PAXIP1: variants seen among roughly 807,000 people sequenced by gnomAD.
The protein encoded by PAXIP1 is PAX-interacting protein 1.
PAXIP1 carries 19 observed loss-of-function variants against 140.6 expected under a neutral mutation model. The ratio of observed to expected loss-of-function variants is 0.14; its 90% CI spans 0.09 to 0.20. PAXIP1 has a LOEUF of 0.20. Among genes scored for constraint, PAXIP1 ranks in the 10% least tolerant of loss-of-function variants. The probability of loss-of-function intolerance (pLI) is 1.00; values close to 1 mark genes in which losing one functional copy is unlikely to be tolerated. For missense variants in PAXIP1, 920 were observed against 1,208.6 expected (o/e 0.76, Z 3.54); for synonymous variants, 442 against 444.6 (o/e 0.99, Z 0.07).
chr7:155,003,278 G>A (rs1811025491), upstream of PAXIP1, among the ~76,000 whole-genome samples: 1 of 151,652 alleles, frequency 6.6e-6, no homozygotes, highest in Non-Finnish European at 1.5e-5. Context: ...TCTGGCCCTT[G>A]CGGTTCCGTG....
At position 154,968,959 on chromosome 7, in the gene PAXIP1, G is replaced by C. The variant is rs935384493; in HGVS notation, c.1242C>G (p.His414Gln). 2.0e-6 allele frequency: 3 copies of C among 1,476,874 alleles called. No individual in the cohort carries two copies. The South Asian group carries it at 3.8e-5, about 19-fold the overall frequency. 91.5% of individuals were successfully genotyped at this position (1,476,874 alleles called of 1,614,324 possible). A position where few individuals can be genotyped will look rare whatever the true frequency, so the allele number is the denominator to read the frequency against. Residue 414 changes from histidine (H) to glutamine (Q), a missense_variant, in exon 7 of 21, where the codon CAC (histidine) becomes CAG (glutamine). His to Gln is a conservative substitution (Grantham distance 24). Coordinates refer to ENST00000404141, the MANE Select transcript of PAXIP1 (RefSeq NM_007349.4). ...QQQAQQQQQQ[H>Q]PVLHLQPQQI... ...GCTGGGGCTGAAGGTGTAAAACCGGGTGCTGCTGCTGCTGCTGCTGGGCCT... is the reference window on the plus strand; with the variant it reads ...GCTGGGGCTGAAGGTGTAAAACCGGCTGCTGCTGCTGCTGCTGCTGGGCCT...
intron 4 of PAXIP1, among the ~76,000 whole-genome samples, chr7:154,985,019 G>A (rs1276290129): frequency 6.6e-6 from 1 of 152,144 alleles, no homozygotes; most frequent in East Asian, 1.9e-4. Context: ...ACTCGCTTAT[G>A]TCAACTTGGA....
At chr7:155,002,707 G>A in intron 1 of PAXIP1, 142 bp downstream of exon 1, 1 of 353,972 alleles carries the variant, frequency 2.8e-6, no homozygotes, top group Non-Finnish European at 4.4e-6. Flanking sequence ...CCTGCCCTCA[G>A]CGCAGTCAGG....
chr7:154,949,803 A>T (rs1221088960), intron 16 of PAXIP1: 2 of 152,294 alleles, frequency 1.3e-5, no homozygotes, highest in East Asian at 3.9e-4. Flanking sequence ...GCTACTAGGG[A>T]GGCTGAGGCA....
Position 154,993,746 on chromosome 7 carries a change from A to T in PAXIP1, c.240T>A (p.Val80=), listed in dbSNP as rs374606899. ...GATACGGCAGAAGAGTTCCACACTG[A>T]ACGGACAGAATCACCCAAGAAGGCT... The part of the protein sequence containing the change: ...VVKPSWVILS[V]QCGTLLPVNG... Residue 80 remains valine (V), a synonymous_variant, in exon 3 of 21, where the codon GTT becomes GTA. Transcript: ENST00000404141. 3.6e-5 allele frequency: 57 copies of T among 1,592,718 alleles called. No homozygotes were observed. Among genetic ancestry groups the T allele is most frequent in the Non-Finnish European group, 4.6e-5 (54 of 1,170,026 alleles).
At position 154,969,137 on chromosome 7, in the gene PAXIP1, A is replaced by G; in HGVS notation, c.1075-11T>C. On this transcript the variant is annotated splice_polypyrimidine_tract_variant and intron_variant, in intron 6 of 20. Transcript: ENST00000404141. ...AAGAGTCTGTAAGATCTACAAAACAAAAGTTAGGTGAAACATTATCAACAG... is the reference window on the plus strand; with the variant it reads ...AAGAGTCTGTAAGATCTACAAAACAGAAGTTAGGTGAAACATTATCAACAG... The G allele has an allele frequency of 6.9e-7, 1 of 1,454,286 alleles. No individual in the cohort carries two copies. The highest frequency in any genetic ancestry group is 1.5e-5 in the South Asian group (1 of 68,174). 90.1% of individuals were successfully genotyped at this position (1,454,286 alleles called of 1,614,324 possible). A position where few individuals can be genotyped will look rare whatever the true frequency, so the allele number is the denominator to read the frequency against.
chr7:154,971,290 T>C (rs986538338), intron 6 of PAXIP1, among the ~76,000 whole-genome samples: 7 of 152,070 alleles, frequency 4.6e-5, no homozygotes, highest in Non-Finnish European at 8.8e-5. Context: ...GGAGGCAACT[T>C]AACAGCTGTT....
At chr7:154,992,973 C>T (rs920913951) in intron 3 of PAXIP1, among the ~76,000 whole-genome samples, 2 of 152,210 alleles carry the variant, frequency 1.3e-5, no homozygotes, top group Non-Finnish European at 2.9e-5. Flanking sequence ...GAGCACATGA[C>T]ATAATCTCTT....
intron 6 of PAXIP1, among the ~76,000 whole-genome samples, chr7:154,974,990 C>CA (rs59174178): frequency 0.28 from 34,221 of 122,156 alleles, 4,592 homozygotes; most frequent in Admixed American, 0.36. Flanking sequence ...ACTAAAAATA[C>CA]AAAAAAAAAA....
chr7:154,968,662 CTGCTGCTGCTGGAGCTGG>C lies in PAXIP1; in HGVS notation c.1521_1538del (p.His507_Gln512del). 1.4e-6 allele frequency: 1 copy of C among 709,154 alleles called. No individual in the cohort carries two copies. Among genetic ancestry groups the C allele is most frequent in the Non-Finnish European group, 2.6e-6 (1 of 380,960 alleles). The allele number at this position is 709,154 out of a possible 1,614,324, so 43.9% of individuals were successfully genotyped here. ...TGTGCTGCTGCTGGAGCTGGGCAAG[CTGCTGCTGCTGGAGCTGG>C]TGCTGCTGCAGCTGATGGAACTGCT... On this transcript the variant is annotated inframe_deletion, in exon 7 of 21. Transcript: ENST00000404141.
intron 14 of PAXIP1, among the ~76,000 whole-genome samples, chr7:154,955,848 G>A (rs1292610300): frequency 1.3e-5 from 2 of 152,104 alleles, no homozygotes; most frequent in African/African-American, 4.8e-5. Flanking sequence ...AGCCTCCAAG[G>A]GAGGCATCCA....
intron 3 of PAXIP1, among the ~76,000 whole-genome samples, chr7:154,993,257 C>T (rs928679281): frequency 7.2e-5 from 11 of 152,204 alleles, no homozygotes; most frequent in African/African-American, 2.7e-4. Context: ...TGGTCTTCTT[C>T]ACCCCTCTAT....
chr7:154,949,514 CAT>C (rs1808171255), intron 16 of PAXIP1: 1 of 152,202 alleles, frequency 6.6e-6, no homozygotes, highest in Non-Finnish European at 1.5e-5. Flanking sequence ...TACTGTTACA[CAT>C]GAGATGGTAT....
Position 154,986,038 on chromosome 7 carries a change from C to T in PAXIP1, c.325-2706G>A. The T allele has an allele frequency of 1.5e-6, 2 of 1,365,714 alleles. No individual in the cohort carries two copies. Among genetic ancestry groups the T allele is most frequent in the Non-Finnish European group, 2.0e-6 (2 of 1,021,556 alleles). The allele number at this position is 1,365,714 out of a possible 1,614,324, so 84.6% of individuals were successfully genotyped here. A position where few individuals can be genotyped will look rare whatever the true frequency, so the allele number is the denominator to read the frequency against. On this transcript the variant is annotated intron_variant, in intron 4 of 20. Coordinates refer to ENST00000404141, the MANE Select transcript of PAXIP1 (RefSeq NM_007349.4). The surrounding 1 kb of genome is among the most constrained non-coding windows in gnomAD (Gnocchi z 4.8). ...CTACCCAGCACATTACAACAGAGGC[C>T]TCAGCCTGCATCAATACCGGGTCAG...
intron 3 of PAXIP1, among the ~76,000 whole-genome samples, chr7:154,992,372 C>A (rs574471966): frequency 6.6e-6 from 1 of 152,144 alleles, no homozygotes; most frequent in Non-Finnish European, 1.5e-5. Flanking sequence ...CATGGTGAAA[C>A]CCCGTCTCTA....
At chr7:154,982,766 T>C (rs1481824970) in intron 5 of PAXIP1, among the ~76,000 whole-genome samples, 2 of 152,146 alleles carry the variant, frequency 1.3e-5, no homozygotes, top group Non-Finnish European at 2.9e-5. Context: ...GAGAGCCCTA[T>C]GCTTATCAAG....
intron 16 of PAXIP1, chr7:154,950,983 G>A (rs1808245474): frequency 6.6e-6 from 1 of 152,386 alleles, no homozygotes; most frequent in African/African-American, 2.4e-5. Context: ...AGGAAGGAAT[G>A]AGTGGGTGGA....
chr7:154,998,443 G>A (rs1232435044), intron 2 of PAXIP1, among the ~76,000 whole-genome samples: 1 of 152,136 alleles, frequency 6.6e-6, no homozygotes, highest in African/African-American at 2.4e-5. Flanking sequence ...GGGAGGCGGA[G>A]GTTGCAGTGA....
intron 7 of PAXIP1, 74 bp downstream of exon 7, chr7:154,968,329 A>G (rs771978636): frequency 2.9e-5 from 38 of 1,290,708 alleles, no homozygotes; most frequent in Non-Finnish European, 3.7e-5. Flanking sequence ...CTCACCCCAC[A>G]CTCAAACACT....
Sources: allele counts gnomAD v4.1 joint callset (sites outside exome capture counted in the v4.1 genomes callset), GRCh38; gene constraint gnomAD v4.1.1; non-coding constraint Gnocchi (gnomAD v3.1); transcripts MANE v1.5; gene names NCBI Gene and HGNC (gene_info 2026-07-23, HGNC 2026-07-21).